Variants in GPC3 observed in about 807,000 individuals in gnomAD.
The protein encoded by GPC3 is glypican-3.
In GPC3, 3 loss-of-function variants were observed where a neutral mutation model predicts 34.4. That is an observed-to-expected ratio of 0.09 (90% CI 0.04 to 0.23). The LOEUF (loss-of-function observed/expected upper bound fraction) is 0.23, where lower values mean the gene tolerates loss of function less well. GPC3 is among the 10% of genes least tolerant of loss of function. The pLI is 1.00. For synonymous variants in GPC3, 177 were observed against 174.0 expected (o/e 1.02, Z -0.13); for missense variants, 351 against 445.6 (o/e 0.79, Z 1.91).
At position 133,792,208 on chromosome X, in the gene GPC3, G is replaced by A. The variant is rs550465539; in HGVS notation, c.338-38032C>T. Among the ~76,000 whole-genome samples, 17 of 110,785 alleles carry A rather than the reference G, an allele frequency of 1.5e-4. No individual in the cohort carries two copies. The South Asian group carries it at 6.5e-3, about 43-fold the overall frequency. ...ATTTGCCTTATTTATTTATTTTCTT[G>A]TTAGCCTGGCCTTTCACCAACCCCA... On this transcript the variant is annotated intron_variant, in intron 2 of 7. Coordinates refer to ENST00000370818, the MANE Select transcript of GPC3 (RefSeq NM_004484.4).
At chrX:133,929,122 C>T (rs918724738) in intron 2 of GPC3, among the ~76,000 whole-genome samples, 9 of 111,744 alleles carry the variant, frequency 8.1e-5, no homozygotes, top group South Asian at 7.5e-4. Context: ...TTTTTATGTA[C>T]AGTATAAGAT....
intron 2 of GPC3, among the ~76,000 whole-genome samples, chrX:133,863,586 A>G (rs920650441): frequency 1.9e-5 from 2 of 105,547 alleles, no homozygotes; most frequent in Non-Finnish European, 3.9e-5. Context: ...GGCACTGTGC[A>G]ACCACCACCA....
chrX:133,929,333 G>GT (rs1319169995), intron 2 of GPC3, among the ~76,000 whole-genome samples: 1 of 111,050 alleles, frequency 9.0e-6, no homozygotes, highest in East Asian at 2.8e-4. Context: ...CTTTCTTTTT[G>GT]TTTTTTCATT....
intron 6 of GPC3, among the ~76,000 whole-genome samples, chrX:133,632,668 T>G (rs1484801262): frequency 8.9e-6 from 1 of 111,825 alleles, no homozygotes; most frequent in Admixed American, 9.5e-5. Context: ...TTACTGTTTT[T>G]GTGCCCAAAT....
chrX:133,893,026 C>T (rs1232215610), intron 2 of GPC3, among the ~76,000 whole-genome samples: 4 of 111,405 alleles, frequency 3.6e-5, no homozygotes, highest in Non-Finnish European at 1.9e-5. Flanking sequence ...GAGGCCAAGG[C>T]GGGCGGATCA....
chrX:133,733,249 G>A (rs1380519029), intron 3 of GPC3, among the ~76,000 whole-genome samples: 3 of 110,526 alleles, frequency 2.7e-5, no homozygotes, highest in Admixed American at 9.7e-5. Context: ...ATATACAAAG[G>A]CATGCAAAGT....
intron 3 of GPC3, among the ~76,000 whole-genome samples, chrX:133,711,396 C>A (rs2071265932): frequency 8.9e-6 from 1 of 111,933 alleles, no homozygotes; most frequent in South Asian, 3.8e-4. Context: ...TCAATACCAT[C>A]TGGGCACTTG....
At chrX:133,749,779 A>G (rs1462480905) in intron 3 of GPC3, among the ~76,000 whole-genome samples, 2 of 111,339 alleles carry the variant, frequency 1.8e-5, no homozygotes, top group Non-Finnish European at 3.8e-5. Flanking sequence ...CGCAACAGGA[A>G]GGTTAGGGTG....
chrX:133,757,392 G>C (rs1162070544), intron 2 of GPC3, among the ~76,000 whole-genome samples: 1 of 111,211 alleles, frequency 9.0e-6, no homozygotes, highest in Non-Finnish European at 1.9e-5. Context: ...ATGGTGAAGT[G>C]TACAATCAGG....
intron 2 of GPC3, among the ~76,000 whole-genome samples, chrX:133,939,183 T>C (rs1486039587): frequency 9.0e-6 from 1 of 111,653 alleles, no homozygotes; most frequent in Non-Finnish European, 1.9e-5. Flanking sequence ...GTTGATGAAG[T>C]CAAGACACTG....
chrX:133,722,606 A>G (rs910371882), intron 3 of GPC3, among the ~76,000 whole-genome samples: 1 of 112,211 alleles, frequency 8.9e-6, no homozygotes, highest in African/African-American at 3.2e-5. Context: ...CTAAAATTGT[A>G]CAGGAAGCTT....
intron 2 of GPC3, among the ~76,000 whole-genome samples, chrX:133,918,094 C>T (rs1029379640): frequency 3.6e-5 from 4 of 112,023 alleles, no homozygotes; most frequent in East Asian, 2.8e-4. Context: ...CTGTATACTT[C>T]GTATATCTTT....
intron 2 of GPC3, among the ~76,000 whole-genome samples, chrX:133,795,035 G>A (rs1330925021): frequency 9.0e-6 from 1 of 111,637 alleles, no homozygotes; most frequent in Non-Finnish European, 1.9e-5. Flanking sequence ...GACACAGAAG[G>A]GGCTCTTTAG....
At chrX:133,839,844 C>T (rs1326067622) in intron 2 of GPC3, among the ~76,000 whole-genome samples, 1 of 103,115 alleles carries the variant, frequency 9.7e-6, no homozygotes, top group Non-Finnish European at 1.9e-5. Context: ...AGGAGAATGG[C>T]GTGAACCCAG....
chrX:133,967,632 T>G lies in GPC3; in HGVS notation c.176-14421A>C, dbSNP rs539447132. On this transcript the variant is annotated intron_variant, in intron 1 of 7. Transcript: ENST00000370818. Reference sequence around the variant, plus strand: ...GTTTTTTTGTTTGTTTGTTTTGTTTTGTTTTGTTTTTTTGAGACAAGATTT... The same window carrying G: ...GTTTTTTTGTTTGTTTGTTTTGTTTGGTTTTGTTTTTTTGAGACAAGATTT... Among the ~76,000 whole-genome samples, 19 of 112,411 alleles carry G rather than the reference T, an allele frequency of 1.7e-4. No homozygotes were observed. In the South Asian group the frequency reaches 5.9e-3, roughly 35 times the overall value.
intron 2 of GPC3, among the ~76,000 whole-genome samples, chrX:133,771,862 G>A (rs2071924183): frequency 8.9e-6 from 1 of 112,047 alleles, no homozygotes; most frequent in Non-Finnish European, 1.9e-5. Flanking sequence ...ATGTCAATGT[G>A]TCATTGGAAT....
chrX:133,946,412 G>A (rs2076369143), intron 2 of GPC3, among the ~76,000 whole-genome samples: 1 of 111,468 alleles, frequency 9.0e-6, no homozygotes, highest in Admixed American at 9.5e-5. Flanking sequence ...CACCTCCTAG[G>A]GTTGTTATGA....
At chrX:133,828,372 G>T (rs2075759685) in intron 2 of GPC3, among the ~76,000 whole-genome samples, 1 of 111,375 alleles carries the variant, frequency 9.0e-6, no homozygotes, top group Non-Finnish European at 1.9e-5. Context: ...TGACCAGGCT[G>T]ATCTTGAACT....
intron 1 of GPC3, among the ~76,000 whole-genome samples, chrX:133,983,357 TGGCCATCCCTA>T (rs1243832576): frequency 8.9e-6 from 1 of 112,505 alleles, no homozygotes; most frequent in African/African-American, 3.2e-5. Flanking sequence ...TATAAGTGTA[TGGCCATCCCTA>T]GGCCTCAAGG....
Sources: gnomAD v4.1 joint callset for allele counts (sites outside exome capture counted in the v4.1 genomes callset) on GRCh38, gnomAD v4.1.1 for gene constraint, MANE v1.5 for transcripts, NCBI Gene and HGNC (gene_info 2026-07-23, HGNC 2026-07-21) for gene names.